The following TENM3 variants were observed in gnomAD, a reference collection of about 807,000 sequenced individuals.
The protein encoded by TENM3 is teneurin transmembrane protein 3.
In TENM3, 63 loss-of-function variants were observed where a neutral mutation model predicts 255.1. The observed-to-expected ratio is 0.25, with a 90% CI of 0.20 to 0.30. TENM3 has a LOEUF of 0.30. Among genes scored for constraint, TENM3 ranks in the 10% least tolerant of loss-of-function variants. The probability of loss-of-function intolerance (pLI) is 1.00; values close to 1 mark genes in which losing one functional copy is unlikely to be tolerated. For missense variants in TENM3, 2,929 were observed against 3,461.1 expected (o/e 0.85, Z 3.86); for synonymous variants, 1,306 against 1,322.3 (o/e 0.99, Z 0.27).
the TENM3 span, among the ~76,000 whole-genome samples, chr4:181,736,956 T>TG: frequency 6.6e-6 from 1 of 152,176 alleles, no homozygotes. Context: ...AATCACTTCC[T>TG]GGGGTGGTGA....
the TENM3 span, among the ~76,000 whole-genome samples, chr4:181,676,360 G>GCTAGGAATTTTCT: frequency 1.3e-5 from 2 of 152,226 alleles, no homozygotes; most frequent in Admixed American, 6.6e-5. Flanking sequence ...TTTGGAAAAT[G>GCTAGGAATTTTCT]CTAGGAATTT....
At chr4:182,738,307 CA>C in intron 17 of TENM3, 93 bp from the exon 18 acceptor site, 3 of 1,113,292 alleles carry the variant, frequency 2.7e-6, no homozygotes, top group Non-Finnish European at 3.8e-6. Context: ...TCTCAGAACA[CA>C]GATGTGAAAA....
chr4:181,566,488 G>A, the TENM3 span, among the ~76,000 whole-genome samples: 1 of 152,064 alleles, frequency 6.6e-6, no homozygotes, highest in Non-Finnish European at 1.5e-5. Flanking sequence ...TGACAGGTAA[G>A]CTTGATTTCA....
At chr4:181,820,137 GAGGGGTGTGAGGCATCT>G in the TENM3 span, 2 of 152,296 alleles carry the variant, frequency 1.3e-5, no homozygotes, top group East Asian at 3.9e-4. Flanking sequence ...AGTTGTCCAG[GAGGGGTGTGAGGCATCT>G]AGGGAAGAAG....
At chr4:182,085,522 A>C in the TENM3 span, among the ~76,000 whole-genome samples, 1 of 152,228 alleles carries the variant, frequency 6.6e-6, no homozygotes, top group Non-Finnish European at 1.5e-5. Context: ...ATAGCATGTC[A>C]GATTTCTCAT....
At chr4:181,591,981 CTA>C in the TENM3 span, among the ~76,000 whole-genome samples, 1 of 151,674 alleles carries the variant, frequency 6.6e-6, no homozygotes, top group Non-Finnish European at 1.5e-5. Context: ...AGTCCATACT[CTA>C]TGATTTCATT....
chr4:181,756,291 G>A, the TENM3 span, among the ~76,000 whole-genome samples: 1 of 152,114 alleles, frequency 6.6e-6, no homozygotes, highest in African/African-American at 2.4e-5. Context: ...AGGAAAAAAA[G>A]CAACTTAAAC....
chr4:181,905,453 A>G, the TENM3 span, among the ~76,000 whole-genome samples: 7 of 151,984 alleles, frequency 4.6e-5, no homozygotes, highest in African/African-American at 1.7e-4. Context: ...GGAAGAGCTC[A>G]GTTCTGAAGG....
chr4:182,048,814 TGC>T, the TENM3 span, among the ~76,000 whole-genome samples: 1 of 152,176 alleles, frequency 6.6e-6, no homozygotes, highest in African/African-American at 2.4e-5. Context: ...GCCTGCCTGT[TGC>T]AACACACTTA....
intron 3 of TENM3, among the ~76,000 whole-genome samples, chr4:182,567,064 C>G (rs1270812716): frequency 1.3e-5 from 2 of 152,112 alleles, no homozygotes; most frequent in East Asian, 3.8e-4. Flanking sequence ...AAAAGAAAAA[C>G]TTCTAAATAG....
chr4:182,710,648 T>A, intron 12 of TENM3, among the ~76,000 whole-genome samples: 1 of 152,226 alleles, frequency 6.6e-6, no homozygotes, highest in East Asian at 1.9e-4. Context: ...AACTGAGGGT[T>A]ACAGTTTCAG....
intron 1 of TENM3, among the ~76,000 whole-genome samples, chr4:182,268,723 C>T (rs1759413640): frequency 6.6e-6 from 1 of 152,122 alleles, no homozygotes. Context: ...GCTGTGCTCC[C>T]ACCAGCACCC....
At chr4:181,721,694 C>T in the TENM3 span, among the ~76,000 whole-genome samples, 20 of 149,920 alleles carry the variant, frequency 1.3e-4, no homozygotes, top group East Asian at 3.7e-3. Context: ...GAAGTCAAAC[C>T]TAGGTAGGGA....
intron 22 of TENM3, among the ~76,000 whole-genome samples, chr4:182,769,615 C>G (rs1219997714): frequency 6.6e-6 from 1 of 151,066 alleles, no homozygotes; most frequent in East Asian, 2.0e-4. Context: ...AACCCCGTCT[C>G]TACTAAAAAT....
chr4:182,004,095 TAAAAA>T, the TENM3 span, among the ~76,000 whole-genome samples: 1 of 151,582 alleles, frequency 6.6e-6, no homozygotes, highest in African/African-American at 2.4e-5. Flanking sequence ...TTATTTCTTC[TAAAAA>T]AACAAAACAA....
the TENM3 span, among the ~76,000 whole-genome samples, chr4:181,525,483 G>A: frequency 6.6e-6 from 1 of 151,688 alleles, no homozygotes; most frequent in South Asian, 2.1e-4. Context: ...GACTTTTGAA[G>A]GGGCTGAGGA....
the TENM3 span, among the ~76,000 whole-genome samples, chr4:181,779,552 T>C: frequency 2.0e-4 from 30 of 152,186 alleles, no homozygotes; most frequent in African/African-American, 6.5e-4. Flanking sequence ...TAATTTTTGA[T>C]TTTATTATAC....
At chr4:181,778,239 G>A in the TENM3 span, among the ~76,000 whole-genome samples, 1 of 152,136 alleles carries the variant, frequency 6.6e-6, no homozygotes, top group South Asian at 2.1e-4. Context: ...GCAAAAAAAG[G>A]ATGGCCTTTT....
At chr4:182,623,580 G>A (rs550731206) in intron 4 of TENM3, among the ~76,000 whole-genome samples, 2 of 150,670 alleles carry the variant, frequency 1.3e-5, no homozygotes, top group South Asian at 4.3e-4. Flanking sequence ...TCCACCCGCT[G>A]CGGCCTTCCA....
Sources: allele counts gnomAD v4.1 joint callset (sites outside exome capture counted in the v4.1 genomes callset), GRCh38; gene constraint gnomAD v4.1.1; transcripts MANE v1.5; gene names NCBI Gene and HGNC (gene_info 2026-07-23, HGNC 2026-07-21).